Variants in MAN1C1 observed in about 807,000 individuals in gnomAD.
MAN1C1 encodes the protein mannosyl-oligosaccharide 1,2-alpha-mannosidase IC.
A neutral mutation model predicts 71.5 loss-of-function variants in MAN1C1; 49 were observed. The ratio of observed to expected loss-of-function variants is 0.69; its 90% confidence interval spans 0.54 to 0.87. The LOEUF is 0.87. MAN1C1 is among the 40% of genes least tolerant of loss of function. The pLI is 0.00. For missense variants in MAN1C1, 743 were observed against 835.0 expected, an observed-to-expected ratio of 0.89 and a Z score of 1.36; for synonymous variants, 352 against 343.7, an observed-to-expected ratio of 1.02 and a Z score of -0.27.
At chr1:25,710,597 A>G (rs1232637496) in intron 2 of MAN1C1, among the ~76,000 whole-genome samples, 1 of 152,170 alleles carries the variant, frequency 6.6e-6, no homozygotes, top group Non-Finnish European at 1.5e-5. Flanking sequence ...AAAGGCTACT[A>G]TGGTTTGATT....
chr1:25,704,387 C>T (rs1415245907), intron 2 of MAN1C1, among the ~76,000 whole-genome samples: 2 of 152,216 alleles, frequency 1.3e-5, no homozygotes, highest in Non-Finnish European at 2.9e-5. Context: ...CAGAACCAAG[C>T]CATATCCTAT....
rs373426221 is a variant in MAN1C1, at chr1:25,763,866, C to T, written c.1048-8C>T. On this transcript the variant is annotated splice_polypyrimidine_tract_variant and splice_region_variant and intron_variant, in intron 6 of 11. Coordinates refer to ENST00000374332, the MANE Select transcript of MAN1C1 (RefSeq NM_020379.4). Reference sequence around the variant, plus strand: ...ATGAAGGCTCACCTGGTGTCCGTCTCTCGGCAGGTCAGGAACATCCGCAAG... The same window carrying T: ...ATGAAGGCTCACCTGGTGTCCGTCTTTCGGCAGGTCAGGAACATCCGCAAG... The T allele has an allele frequency of 6.2e-7, 1 of 1,613,116 alleles. No individual in the cohort carries two copies. The highest frequency in any genetic ancestry group is 1.3e-5 in the African/African-American group (1 of 74,920).
chr1:25,766,368 G>C (rs1572205193), intron 7 of MAN1C1, among the ~76,000 whole-genome samples: 1 of 151,690 alleles, frequency 6.6e-6, no homozygotes, highest in Admixed American at 6.6e-5. Flanking sequence ...TGGTGCATAC[G>C]TATTCTTTTA....
chr1:25,766,368 G>A (rs1572205193), intron 7 of MAN1C1, among the ~76,000 whole-genome samples: 1 of 151,808 alleles, frequency 6.6e-6, no homozygotes, highest in South Asian at 2.1e-4. Flanking sequence ...TGGTGCATAC[G>A]TATTCTTTTA....
chr1:25,622,082 G>C (rs1196274572), intron 1 of MAN1C1, among the ~76,000 whole-genome samples: 1 of 152,096 alleles, frequency 6.6e-6, no homozygotes, highest in East Asian at 1.9e-4. Context: ...CCACAGAAAG[G>C]GCTCCTTCCT....
At chr1:25,742,272 T>C (rs114897328) in intron 2 of MAN1C1, among the ~76,000 whole-genome samples, 1,583 of 152,250 alleles carry the variant, frequency 0.01, 26 homozygotes, top group African/African-American at 0.034. Context: ...GTTCCTGAGC[T>C]TGGGGAGAGA....
rs1363434433 is a variant in MAN1C1 at position 25,779,870 on chromosome 1, C to T, written c.1478-1070C>T. ...CTAGGGCCTCTCAGGGTTTTGAACC[C>T]TGGTAGTAGGGAAGAGGGCTCACAT... On this transcript the variant is annotated intron_variant, in intron 9 of 11. Coordinates refer to ENST00000374332, the MANE Select transcript of MAN1C1 (RefSeq NM_020379.4). The surrounding 1 kb of genome is among the most constrained non-coding windows in gnomAD (Gnocchi z 4.6). Among the ~76,000 whole-genome samples the T allele has an allele frequency of 2.0e-5, 3 of 152,200 alleles. No homozygotes were observed. Among genetic ancestry groups the T allele is most frequent in the Admixed American group, 6.5e-5 (1 of 15,282 alleles).
chr1:25,767,875 T>G (rs1345921224), intron 7 of MAN1C1, among the ~76,000 whole-genome samples: 1 of 22,584 alleles, frequency 4.4e-5, no homozygotes, highest in Non-Finnish European at 7.5e-5. Flanking sequence ...CACACTCCCC[T>G]CACATACATT....
At chr1:25,671,937 A>T (rs2045998477) in intron 1 of MAN1C1, among the ~76,000 whole-genome samples, 1 of 152,198 alleles carries the variant, frequency 6.6e-6, no homozygotes, top group African/African-American at 2.4e-5. Flanking sequence ...GGGACTTATT[A>T]GGGGAATTGG....
At chr1:25,716,202 G>A (rs191199260) in intron 2 of MAN1C1, among the ~76,000 whole-genome samples, 11 of 152,310 alleles carry the variant, frequency 7.2e-5, no homozygotes, top group Middle Eastern at 3.4e-3. Context: ...ATGGCCATGT[G>A]CTCAGCTAAA....
Position 25,617,171 on chromosome 1 carries a change from TCCCGGCG to T in MAN1C1, c.-623_-617del, listed in dbSNP as rs886631151. Among the ~76,000 whole-genome samples, 76 of 151,376 alleles carry T rather than the reference TCCCGGCG, an allele frequency of 5.0e-4. No individual in the cohort carries two copies. The highest frequency in any genetic ancestry group is 1.7e-3 in the African/African-American group (70 of 41,336). On this transcript the variant is annotated 5_prime_UTR_variant, in exon 1 of 12. Transcript: ENST00000374332. This position sits in a 1 kb window ranked among gnomAD's most constrained non-coding sequence, Gnocchi z 5.1. ...CTCCCTGGCCACTCCGGCTCCCAGC[TCCCGGCG>T]CCCTCTCCGCGGCGGAGAAAGTTGT...
At chr1:25,658,574 C>A (rs1002218549) in intron 1 of MAN1C1, among the ~76,000 whole-genome samples, 3 of 152,158 alleles carry the variant, frequency 2.0e-5, no homozygotes, top group African/African-American at 7.2e-5. Flanking sequence ...CCTCAGCCTC[C>A]CCTGTAGCTG....
intron 2 of MAN1C1, among the ~76,000 whole-genome samples, chr1:25,719,269 C>T (rs974368358): frequency 6.7e-5 from 10 of 149,822 alleles, no homozygotes; most frequent in Admixed American, 5.3e-4. Flanking sequence ...GAGGGGGCTT[C>T]GCCATGTTGG....
chr1:25,754,534 A>C (rs1030174225), intron 5 of MAN1C1, among the ~76,000 whole-genome samples: 1 of 148,928 alleles, frequency 6.7e-6, no homozygotes, highest in Non-Finnish European at 1.5e-5. Context: ...ACCATAGGCC[A>C]GGGAGGGGGG....
At position 25,725,860 on chromosome 1, in the gene MAN1C1, GA is replaced by G. The variant is rs1465099222; in HGVS notation, c.638-20807del. 2.0e-5 allele frequency among the ~76,000 whole-genome samples: 3 copies of G among 152,254 alleles called. No individual in the cohort carries two copies. Among genetic ancestry groups the G allele is most frequent in the African/African-American group, 4.8e-5 (2 of 41,470 alleles). The stretch of plus-strand genomic sequence containing the variant: ...GATGCACATGGTAGAGCTGAAGAAT[GA>G]GAGGGTGCTCGGGGCAGAAGGTCCA... On this transcript the variant is annotated intron_variant, in intron 2 of 11. Coordinates refer to ENST00000374332, the MANE Select transcript of MAN1C1 (RefSeq NM_020379.4). This position sits in a 1 kb window ranked among gnomAD's most constrained non-coding sequence, Gnocchi z 4.8.
At chr1:25,638,667 T>G (rs750895581) in intron 1 of MAN1C1, among the ~76,000 whole-genome samples, 7 of 152,144 alleles carry the variant, frequency 4.6e-5, no homozygotes, top group Non-Finnish European at 1.0e-4. Flanking sequence ...TATACAATAT[T>G]AGGTTGACTC....
rs867823581 is a variant in MAN1C1 at position 25,783,513 on chromosome 1, A to C, written c.1767-150A>C. On this transcript the variant is annotated intron_variant, in intron 11 of 11. Coordinates refer to ENST00000374332, the MANE Select transcript of MAN1C1 (RefSeq NM_020379.4). ...CTCCTTCCCCAGGACTAGCACCCCC[A>C]CCCTGCTGCCCACAGTTTTGGGGTT... The C allele has an allele frequency of 4.2e-5, 34 of 808,308 alleles. 2 individuals are homozygous for C. The Middle Eastern group carries it at 5.1e-3, about 122-fold the overall frequency. The allele number at this position is 808,308 out of a possible 1,614,324, so 50.1% of individuals were successfully genotyped here.
intron 1 of MAN1C1, among the ~76,000 whole-genome samples, chr1:25,649,278 A>G (rs2045657545): frequency 6.6e-6 from 1 of 152,222 alleles, no homozygotes; most frequent in Non-Finnish European, 1.5e-5. Flanking sequence ...GTTTCCCACC[A>G]GAGCTTTTGT....
rs188297011 is a variant in MAN1C1 at position 25,630,017 on chromosome 1, G to A, written c.540+11680G>A. Among the ~76,000 whole-genome samples, 270 of 152,136 alleles carry A rather than the reference G, an allele frequency of 1.8e-3. 1 individual carries two copies. The highest frequency in any genetic ancestry group is 5.5e-3 in the African/African-American group (227 of 41,506). Reference sequence around the variant, plus strand: ...TGATGTTATCTTTAGAATTCTTATGGTTTCAGGTCTTAGATTTAAGTCGTT... The same window carrying A: ...TGATGTTATCTTTAGAATTCTTATGATTTCAGGTCTTAGATTTAAGTCGTT... On this transcript the variant is annotated intron_variant, in intron 1 of 11. Coordinates refer to ENST00000374332, the MANE Select transcript of MAN1C1 (RefSeq NM_020379.4).
Sources: allele counts gnomAD v4.1 joint callset (sites outside exome capture counted in the v4.1 genomes callset), GRCh38; gene constraint gnomAD v4.1.1; non-coding constraint Gnocchi (gnomAD v3.1); transcripts MANE v1.5; gene names NCBI Gene and HGNC (gene_info 2026-07-23, HGNC 2026-07-21).